Variants in ADH1A observed in about 807,000 individuals in gnomAD.
ADH1A encodes alcohol dehydrogenase 1A (class I), alpha polypeptide.
Under a neutral mutation model 35.2 loss-of-function variants are expected in ADH1A, and 29 were observed. The ratio of observed to expected loss-of-function variants is 0.82; its 90% CI spans 0.61 to 1.12. ADH1A has a LOEUF of 1.12. Ranked by LOEUF, ADH1A falls within the 50% of genes most tolerant of loss-of-function variation. The pLI is 0.00. For synonymous variants in ADH1A, 147 were observed against 164.8 expected (o/e 0.89, Z 0.83); for missense variants, 469 against 464.7 (o/e 1.01, Z -0.09).
intron 8 of ADH1A, among the ~76,000 whole-genome samples, chr4:99,278,944 A>G (rs1579488192): frequency 6.6e-6 from 1 of 152,166 alleles, no homozygotes; most frequent in African/African-American, 2.4e-5. Flanking sequence ...AGGAAAAAGA[A>G]AAAACTAGTA....
chr4:99,279,232 A>G (rs1217200741), intron 8 of ADH1A, among the ~76,000 whole-genome samples, 194 bp downstream of exon 8: 1 of 152,144 alleles, frequency 6.6e-6, no homozygotes, highest in Non-Finnish European at 1.5e-5. Flanking sequence ...ACAATAGGAA[A>G]TGCAAAGCAA....
chr4:99,278,081 T>C (rs1484662643), intron 8 of ADH1A, among the ~76,000 whole-genome samples: 2 of 152,164 alleles, frequency 1.3e-5, no homozygotes, highest in East Asian at 3.8e-4. Context: ...ATAGGATTAA[T>C]TATATTTACA....
At chr4:99,278,269 A>G (rs572604553) in intron 8 of ADH1A, among the ~76,000 whole-genome samples, 1 of 152,226 alleles carries the variant, frequency 6.6e-6, no homozygotes, top group Non-Finnish European at 1.5e-5. Flanking sequence ...TGACAATGAT[A>G]ACTAACCTTT....
intron 6 of ADH1A, among the ~76,000 whole-genome samples, chr4:99,281,462 C>T (rs943225123): frequency 3.9e-5 from 6 of 152,118 alleles, no homozygotes; most frequent in South Asian, 2.1e-4. Context: ...CAACTGAGGC[C>T]GGGCGTGGTA....
intron 3 of ADH1A, among the ~76,000 whole-genome samples, chr4:99,286,209 A>G (rs116325653): frequency 0.021 from 3,152 of 152,248 alleles, 59 homozygotes; most frequent in Non-Finnish European, 0.033. Flanking sequence ...AGTAATCCGT[A>G]ACCAGTTACA....
rs200604015 is a variant in ADH1A at position 99,276,639 on chromosome 4, G to A, written c.1113C>T (p.Thr371=). Residue 371 remains threonine, a synonymous_variant, in exon 9 of 9, where the codon ACC becomes ACT. Transcript: ENST00000209668. ...DLLHSGKSIR[T]ILMF ...CTGTATTGTCTCAAAACATCAGAAT[G>A]GTACGGATACTGCAATAGGAAAGAA... 3 of 1,612,328 alleles carry A rather than the reference G, an allele frequency of 1.9e-6. No individual in the cohort carries two copies. The highest frequency in any genetic ancestry group is 2.7e-5 in the African/African-American group (2 of 74,852).
chr4:99,277,712 A>G (rs1415184322), intron 8 of ADH1A, among the ~76,000 whole-genome samples: 1 of 152,142 alleles, frequency 6.6e-6, no homozygotes, highest in Non-Finnish European at 1.5e-5. Context: ...TTATATCATG[A>G]GAATTTCCCA....
chr4:99,280,259 A>G lies in ADH1A; in HGVS notation c.849T>C (p.Cys283=), dbSNP rs750359890. ...TGACACTTGTGCCACATGCCTCATGACAACATAACAGGGAAGCCATCTGGA... is the reference window on the plus strand; with the variant it reads ...TGACACTTGTGCCACATGCCTCATGGCAACATAACAGGGAAGCCATCTGGA... ...LDTMMASLLC[C]HEACGTSVIV... is the part of the protein sequence containing the mutation. Residue 283 remains cysteine (C), a synonymous_variant, in exon 7 of 9, where the codon TGT becomes TGC. Coordinates refer to ENST00000209668, the MANE Select transcript of ADH1A (RefSeq NM_000667.4). 1 of 1,613,708 alleles carries G rather than the reference A, an allele frequency of 6.2e-7. No homozygotes were observed. Among genetic ancestry groups the G allele is most frequent in the East Asian group, 2.2e-5 (1 of 44,868 alleles).
Position 99,279,613 on chromosome 4 carries a change from G to A in ADH1A, c.965-49C>T, listed in dbSNP as rs530343790. ...TTAGATTCAACCAGGGTAAGTAGGA[G>A]AATTGAAGAGAAGATTTTCCAAATA... On this transcript the variant is annotated intron_variant, in intron 7 of 8. Transcript: ENST00000209668. The A allele has an allele frequency of 3.8e-6, 6 of 1,559,134 alleles. 1 individual carries two copies. In the African/African-American group the frequency reaches 8.4e-5, roughly 22 times the overall value.
intron 8 of ADH1A, among the ~76,000 whole-genome samples, chr4:99,277,623 A>G (rs527961080): frequency 6.6e-6 from 1 of 152,074 alleles, no homozygotes; most frequent in Non-Finnish European, 1.5e-5. Context: ...TACTAGGCAT[A>G]TGTACAAGTT....
intron 1 of ADH1A, among the ~76,000 whole-genome samples, chr4:99,289,780 C>T (rs28364296): frequency 0.022 from 3,407 of 152,196 alleles, 124 homozygotes; most frequent in African/African-American, 0.077. Context: ...TATACTTTTG[C>T]TGTAGGAACT....
chr4:99,284,491 C>A lies in ADH1A; in HGVS notation c.475G>T (p.Ala159Ser). 1.2e-6 allele frequency: 2 copies of A among 1,614,216 alleles called. No individual in the cohort carries two copies. Among genetic ancestry groups the A allele is most frequent in the Non-Finnish European group, 1.7e-6 (2 of 1,180,036 alleles). Residue 159 changes from alanine (A) to serine (S), a missense_variant, in exon 5 of 9, where the codon GCC becomes TCC. Coordinates refer to ENST00000209668, the MANE Select transcript of ADH1A (RefSeq NM_000667.4). Reference sequence around the variant, plus strand: ...AGAGGCGAGGCTGCATCAATTTTGGCTACTGCATTTTCATCCACCACTGTG... The same window carrying A: ...AGAGGCGAGGCTGCATCAATTTTGGATACTGCATTTTCATCCACCACTGTG... ...QYTVVDENAV[A>S]KIDAASPLEK... is the part of the protein sequence containing the mutation.
At chr4:99,288,745 A>G (rs1276530848) in intron 1 of ADH1A, 1 of 152,206 alleles carries the variant, frequency 6.6e-6, no homozygotes, top group African/African-American at 2.4e-5. Flanking sequence ...CCTGATTATC[A>G]GGTGCCTATG....
chr4:99,286,868 C>T lies in ADH1A; in HGVS notation c.241G>A (p.Val81Met), dbSNP rs760558326. 6.2e-7 allele frequency: 1 copy of T among 1,614,132 alleles called. No individual in the cohort carries two copies. Among genetic ancestry groups the T allele is most frequent in the Non-Finnish European group, 8.5e-7 (1 of 1,180,012 alleles). Residue 81 changes from valine (V) to methionine (M), a missense_variant, in exon 3 of 9, where the codon GTG (valine) becomes ATG (methionine). By Grantham distance (21) the Val-to-Met change is conservative. Transcript: ENST00000209668. ...CCTGTACCTGGTTTGACTGTAGTCACCCCTTCTCCAACACTCTCCACGATG... is the reference window on the plus strand; with the variant it reads ...CCTGTACCTGGTTTGACTGTAGTCATCCCTTCTCCAACACTCTCCACGATG... Reference protein sequence around the residue: ...AGIVESVGEGVTTVKPGDKVI... With the variant: ...AGIVESVGEGMTTVKPGDKVI...
At chr4:99,282,030 C>G in intron 6 of ADH1A, 1 of 374,960 alleles carries the variant, frequency 2.7e-6, no homozygotes. Flanking sequence ...GAGAACAGAA[C>G]TTGTATTATT....
In ADH1A at chr4:99,276,460, A is replaced by C. The variant is rs1732870841; in HGVS notation, c.*164T>G. ...ATTTGGATTTTAAACATTTGCTTGA[A>C]AAATAATTTTACATCAATTTCCATT... On this transcript the variant is annotated 3_prime_UTR_variant, in exon 9 of 9. Coordinates refer to ENST00000209668, the MANE Select transcript of ADH1A (RefSeq NM_000667.4). 12 of 696,226 alleles carry C rather than the reference A, an allele frequency of 1.7e-5. No individual in the cohort carries two copies. The South Asian group carries it at 1.9e-4, about 11-fold the overall frequency. The allele number at this position is 696,226 out of a possible 1,614,324, so 43.1% of individuals were successfully genotyped here. A position where few individuals can be genotyped will look rare whatever the true frequency, so the allele number is the denominator to read the frequency against.
intron 7 of ADH1A, 80 bp downstream of exon 7, chr4:99,280,064 C>T (rs1182850219): frequency 6.3e-7 from 1 of 1,581,400 alleles, no homozygotes; most frequent in Admixed American, 1.7e-5. Context: ...ATCTGCTTTT[C>T]AAAACCTTGC....
Position 99,279,456 on chromosome 4 carries a change from T to G in ADH1A, c.1073A>C (p.Glu358Ala). The change falls in exon 8 of 9, where the codon GAA becomes GCA. Residue 358 changes from glutamate (E) to alanine (A), a missense_variant. Glu to Ala is a moderately radical substitution (Grantham distance 107). Transcript: ENST00000209668. ...THVLPFEKIN[E>A]GFDLLHSGKS... ...CCCAGAGTGAAGCAGGTCAAATCCT[T>G]CATTTATTTTTTCAAAAGGTAAAAC... 6.2e-7 allele frequency: 1 copy of G among 1,607,884 alleles called. No homozygotes were observed. Among genetic ancestry groups the G allele is most frequent in the Non-Finnish European group, 8.5e-7 (1 of 1,178,308 alleles).
At chr4:99,287,010 T>G in intron 2 of ADH1A, 22 bp from the exon 3 acceptor site, 1 of 1,598,148 alleles carries the variant, frequency 6.3e-7, no homozygotes. Context: ...AGAGAAGATG[T>G]TTATAAAAGA....
Sources: gnomAD v4.1 joint callset for allele counts (sites outside exome capture counted in the v4.1 genomes callset) on GRCh38, gnomAD v4.1.1 for gene constraint, MANE v1.5 for transcripts, NCBI Gene and HGNC (gene_info 2026-07-23, HGNC 2026-07-21) for gene names.